Variants in ARHGAP21 observed in about 807,000 individuals in gnomAD.
ARHGAP21 encodes Rho GTPase activating protein 21.
A neutral mutation model predicts 164.6 loss-of-function variants in ARHGAP21; 38 were observed. That is an observed-to-expected ratio of 0.23 (90% CI 0.18 to 0.30). ARHGAP21 has a LOEUF of 0.30. ARHGAP21 is among the 10% of genes least tolerant of loss of function. The pLI is 1.00. For missense variants in ARHGAP21, 1,822 were observed against 2,370.7 expected (o/e 0.77, Z 4.81); for synonymous variants, 766 against 857.9 (o/e 0.89, Z 1.87).
chr10:24,704,824 T>G lies in ARHGAP21; in HGVS notation c.63+17013A>C, dbSNP rs558194492. Among the ~76,000 whole-genome samples, 7 of 152,204 alleles carry G rather than the reference T, an allele frequency of 4.6e-5. No individual in the cohort carries two copies. The South Asian group carries it at 1.5e-3, about 32-fold the overall frequency. On this transcript the variant is annotated intron_variant, in intron 2 of 25. Transcript: ENST00000396432. ...TTTCTCCATGTTGGCCAGGCTGCTCTCGAACTCCTGGGCTCAAGTGATCCT... is the reference window on the plus strand; with the variant it reads ...TTTCTCCATGTTGGCCAGGCTGCTCGCGAACTCCTGGGCTCAAGTGATCCT...
intron 2 of ARHGAP21, among the ~76,000 whole-genome samples, chr10:24,692,356 G>A (rs894820491): frequency 6.6e-6 from 1 of 152,088 alleles, no homozygotes; most frequent in Non-Finnish European, 1.5e-5. Flanking sequence ...TATAGATTAC[G>A]GGGGGAAAAA....
At position 24,633,628 on chromosome 10, in the gene ARHGAP21, TC is replaced by T. The variant is rs1836055852; in HGVS notation, c.362-149del. 8.2e-6 allele frequency: 4 copies of T among 487,796 alleles called. No homozygotes were observed. In the South Asian group the frequency reaches 1.6e-4, roughly 20 times the overall value. The allele number at this position is 487,796 out of a possible 1,614,324, so 30.2% of individuals were successfully genotyped here. A position where few individuals can be genotyped will look rare whatever the true frequency, so the allele number is the denominator to read the frequency against. ...CAGAGTTGTGAGAAAATTATTAGTA[TC>T]ATAATTATAAAACAATTATATGAAT... On this transcript the variant is annotated intron_variant, in intron 5 of 25. Transcript: ENST00000396432.
At position 24,595,875 on chromosome 10, in the gene ARHGAP21, T is replaced by C; in HGVS notation, c.3633+13A>G. On this transcript the variant is annotated intron_variant, in intron 18 of 25. Transcript: ENST00000396432. ...GAAAAAAAAGGATCAGTTATTCAAATAAGCAAACTTACATCATCTTGTATA... is the reference window on the plus strand; with the variant it reads ...GAAAAAAAAGGATCAGTTATTCAAACAAGCAAACTTACATCATCTTGTATA... The C allele has an allele frequency of 6.2e-7, 1 of 1,611,640 alleles. No homozygotes were observed. Among genetic ancestry groups the C allele is most frequent in the Non-Finnish European group, 8.5e-7 (1 of 1,179,064 alleles).
intron 24 of ARHGAP21, chr10:24,590,628 A>C (rs1048603468): frequency 2.6e-5 from 37 of 1,402,950 alleles, no homozygotes; most frequent in Non-Finnish European, 3.2e-5. Context: ...AGTTTTCATC[A>C]AAAGAGCCTA....
At position 24,594,170 on chromosome 10, in the gene ARHGAP21, G is replaced by A. The variant is rs181759750; in HGVS notation, c.3876+780C>T. Among the ~76,000 whole-genome samples the A allele has an allele frequency of 3.3e-3, 508 of 152,252 alleles. 2 individuals are homozygous for A. Among genetic ancestry groups the A allele is most frequent in the Middle Eastern group, 0.01 (3 of 294 alleles). On this transcript the variant is annotated intron_variant, in intron 21 of 25. Coordinates refer to ENST00000396432, the MANE Select transcript of ARHGAP21 (RefSeq NM_020824.4). Reference sequence around the variant, plus strand: ...TAAAACGACTGCTTCAGTACTTTAAGAAGTAATGCCCTTGAGTTAGAAAAT... The same window carrying A: ...TAAAACGACTGCTTCAGTACTTTAAAAAGTAATGCCCTTGAGTTAGAAAAT...
At position 24,721,988 on chromosome 10, in the gene ARHGAP21, A is replaced by G; in HGVS notation, c.-89T>C. 2 of 1,400,386 alleles carry G rather than the reference A, an allele frequency of 1.4e-6. No homozygotes were observed. Among genetic ancestry groups the G allele is most frequent in the East Asian group, 2.3e-5 (1 of 42,780 alleles). 86.7% of individuals were successfully genotyped at this position (1,400,386 alleles called of 1,614,324 possible). ...GCCACCACACACCCGAAGGGGAAGAATTCCACAAGCAGGCTCCGAGGAGGG... is the reference window on the plus strand; with the variant it reads ...GCCACCACACACCCGAAGGGGAAGAGTTCCACAAGCAGGCTCCGAGGAGGG... On this transcript the variant is annotated 5_prime_UTR_variant, in exon 2 of 26. Coordinates refer to ENST00000396432, the MANE Select transcript of ARHGAP21 (RefSeq NM_020824.4).
intron 14 of ARHGAP21, among the ~76,000 whole-genome samples, chr10:24,599,990 G>A (rs929205016): frequency 6.6e-6 from 1 of 152,080 alleles, no homozygotes; most frequent in African/African-American, 2.4e-5. Context: ...AAAATTAGCC[G>A]GGCATGGTGA....
intron 24 of ARHGAP21, chr10:24,590,940 T>TAAAAA (rs901265529): frequency 6.8e-6 from 5 of 739,570 alleles, no homozygotes; most frequent in Non-Finnish European, 8.0e-6. Flanking sequence ...AACTGTGAAT[T>TAAAAA]AAAAAAAAAA....
At chr10:24,677,059 A>G (rs1056866702) in intron 2 of ARHGAP21, among the ~76,000 whole-genome samples, 1 of 152,032 alleles carries the variant, frequency 6.6e-6, no homozygotes, top group Non-Finnish European at 1.5e-5. Flanking sequence ...GTCTCTACTA[A>G]AAATACAAAA....
intron 12 of ARHGAP21, among the ~76,000 whole-genome samples, chr10:24,602,414 C>T (rs1312986242): frequency 6.6e-6 from 1 of 152,060 alleles, no homozygotes; most frequent in African/African-American, 2.4e-5. Context: ...GATGCAATAA[C>T]GAATGGCTGA....
At chr10:24,626,267 G>A (rs73606523) in intron 7 of ARHGAP21, among the ~76,000 whole-genome samples, 4,560 of 152,204 alleles carry the variant, frequency 0.03, 206 homozygotes, top group African/African-American at 0.097. Flanking sequence ...CTCACTCAGG[G>A]AAGTATTCTC....
chr10:24,699,415 C>T (rs1299442883), intron 2 of ARHGAP21, among the ~76,000 whole-genome samples: 2 of 151,990 alleles, frequency 1.3e-5, no homozygotes, highest in African/African-American at 4.8e-5. Flanking sequence ...ACCTCCACCT[C>T]CCAGGTTCAA....
intron 2 of ARHGAP21, among the ~76,000 whole-genome samples, chr10:24,701,322 G>GATTC (rs1429530333): frequency 1.3e-5 from 2 of 152,016 alleles, no homozygotes; most frequent in Non-Finnish European, 2.9e-5. Flanking sequence ...TCCAATCTAG[G>GATTC]ATTCCTCCGG....
chr10:24,632,728 G>A (rs1835961477), intron 6 of ARHGAP21, among the ~76,000 whole-genome samples: 1 of 152,186 alleles, frequency 6.6e-6, no homozygotes, highest in Non-Finnish European at 1.5e-5. Context: ...TCTTACAACA[G>A]AGTGATGATC....
chr10:24,615,189 T>C (rs1343835821), intron 9 of ARHGAP21, among the ~76,000 whole-genome samples: 1 of 152,116 alleles, frequency 6.6e-6, no homozygotes, highest in African/African-American at 2.4e-5. Context: ...AAATTCCGTC[T>C]CAAAAACAAA....
intron 24 of ARHGAP21, chr10:24,590,563 G>A: frequency 6.7e-7 from 1 of 1,482,846 alleles, no homozygotes; most frequent in African/African-American, 1.4e-5. Flanking sequence ...AGAGACAAAG[G>A]GAGAACATTG....
chr10:24,645,398 T>C lies in ARHGAP21; in HGVS notation c.269-10295A>G, dbSNP rs578023935. Among the ~76,000 whole-genome samples, 8 of 152,038 alleles carry C rather than the reference T, an allele frequency of 5.3e-5. No individual in the cohort carries two copies. In the South Asian group the frequency reaches 1.0e-3, roughly 20 times the overall value. On this transcript the variant is annotated intron_variant, in intron 4 of 25. Coordinates refer to ENST00000396432, the MANE Select transcript of ARHGAP21 (RefSeq NM_020824.4). ...GAGATTGAGACCAGCCTGGCCAACA[T>C]GGTGAAACCCCATCTCTACTAAAAA...
chr10:24,686,115 C>A (rs1474891310), intron 2 of ARHGAP21, among the ~76,000 whole-genome samples: 3 of 151,938 alleles, frequency 2.0e-5, no homozygotes, highest in African/African-American at 7.3e-5. Flanking sequence ...CTATTCATTC[C>A]AAGGTATAAA....
At chr10:24,641,375 T>G (rs1406920745) in intron 4 of ARHGAP21, among the ~76,000 whole-genome samples, 1 of 152,198 alleles carries the variant, frequency 6.6e-6, no homozygotes, top group Non-Finnish European at 1.5e-5. Flanking sequence ...AAATTCTCAC[T>G]CAAAATGCTC....
Sources: allele counts gnomAD v4.1 joint callset (sites outside exome capture counted in the v4.1 genomes callset), GRCh38; gene constraint gnomAD v4.1.1; transcripts MANE v1.5; gene names NCBI Gene and HGNC (gene_info 2026-07-23, HGNC 2026-07-21).